The following PRR16 variants were observed in gnomAD, a reference collection of about 807,000 sequenced individuals.
PRR16 encodes proline rich 16.
PRR16 carries 6 observed loss-of-function variants against 18.2 expected under a neutral mutation model. The observed-to-expected ratio is 0.33, with a 90% confidence interval of 0.18 to 0.65. PRR16 has a LOEUF of 0.65. Ranked by LOEUF, PRR16 falls within the 30% of genes least tolerant of loss-of-function variation. The pLI is 0.74. For missense variants in PRR16, 412 were observed against 376.6 expected (o/e 1.09, Z -0.78); for synonymous variants, 151 against 147.8 (o/e 1.02, Z -0.16).
chr5:120,748,284 T>C, the PRR16 span, among the ~76,000 whole-genome samples: 1 of 152,150 alleles, frequency 6.6e-6, no homozygotes, highest in East Asian at 1.9e-4. Flanking sequence ...GATTTGTTAA[T>C]ATCTATCTCT....
chr5:120,514,121 C>T (rs886592810), intron 1 of PRR16, among the ~76,000 whole-genome samples: 2 of 152,012 alleles, frequency 1.3e-5, no homozygotes, highest in Non-Finnish European at 2.9e-5. Context: ...ATATTAGGTG[C>T]CCAATAAGTA....
chr5:120,616,220 G>C (rs12519395), intron 1 of PRR16, among the ~76,000 whole-genome samples: 104,939 of 151,982 alleles, frequency 0.69, 36,437 homozygotes, highest in East Asian at 0.86. Context: ...TTCATACCTC[G>C]TTTGAACAAG....
At chr5:120,553,394 A>T (rs1405439771) in intron 1 of PRR16, among the ~76,000 whole-genome samples, 1 of 151,882 alleles carries the variant, frequency 6.6e-6, no homozygotes, top group Non-Finnish European at 1.5e-5. Flanking sequence ...CCAAATAATG[A>T]TGCATGCAGG....
At chr5:120,603,764 T>G (rs530812131) in intron 1 of PRR16, among the ~76,000 whole-genome samples, 1 of 152,254 alleles carries the variant, frequency 6.6e-6, no homozygotes, top group East Asian at 1.9e-4. Flanking sequence ...ATCTTTGTTT[T>G]AATTAGTTTC....
intron 1 of PRR16, among the ~76,000 whole-genome samples, chr5:120,671,681 A>T (rs1756611138): frequency 6.6e-6 from 1 of 152,162 alleles, no homozygotes; most frequent in Non-Finnish European, 1.5e-5. Flanking sequence ...TCAAAATGTC[A>T]TTTTAATGTA....
At chr5:120,785,862 C>G in the PRR16 span, among the ~76,000 whole-genome samples, 1 of 151,604 alleles carries the variant, frequency 6.6e-6, no homozygotes, top group Non-Finnish European at 1.5e-5. Flanking sequence ...AGCTACCGCG[C>G]CTGGCCTAGA....
intron 1 of PRR16, among the ~76,000 whole-genome samples, chr5:120,549,664 T>A (rs1752191049): frequency 6.6e-6 from 1 of 152,050 alleles, no homozygotes; most frequent in Admixed American, 6.6e-5. Context: ...CTAAAGTAGA[T>A]AGGGTGGGAC....
chr5:120,773,467 G>T, the PRR16 span, among the ~76,000 whole-genome samples: 4 of 152,112 alleles, frequency 2.6e-5, no homozygotes, highest in African/African-American at 9.7e-5. Flanking sequence ...GAAGAAAATT[G>T]TTGGCCACAG....
intron 1 of PRR16, among the ~76,000 whole-genome samples, chr5:120,494,077 C>A (rs1033575193): frequency 6.6e-6 from 1 of 152,100 alleles, no homozygotes; most frequent in Non-Finnish European, 1.5e-5. Flanking sequence ...GATCAAATGC[C>A]AGTTACATGT....
At chr5:120,589,155 A>C (rs1325891273) in intron 1 of PRR16, among the ~76,000 whole-genome samples, 2 of 152,178 alleles carry the variant, frequency 1.3e-5, no homozygotes, top group East Asian at 3.8e-4. Flanking sequence ...GTAAATAAAA[A>C]TTAAGCTCAT....
In PRR16 at chr5:120,613,297, T is replaced by C. The variant is rs868063571; in HGVS notation, c.160-72657T>C. On this transcript the variant is annotated intron_variant, in intron 1 of 1. Coordinates refer to ENST00000407149, the MANE Select transcript of PRR16 (RefSeq NM_001300783.2). Reference sequence around the variant, plus strand: ...TTGGTATTTTATAAAAAAGAAATACTAGATTTTATATCATATTTTATCATT... The same window carrying C: ...TTGGTATTTTATAAAAAAGAAATACCAGATTTTATATCATATTTTATCATT... Among the ~76,000 whole-genome samples the C allele has an allele frequency of 6.6e-5, 10 of 152,272 alleles. No individual in the cohort carries two copies. The South Asian group carries it at 2.1e-3, about 32-fold the overall frequency.
chr5:120,769,877 T>A, the PRR16 span, among the ~76,000 whole-genome samples: 1 of 151,872 alleles, frequency 6.6e-6, no homozygotes, highest in African/African-American at 2.4e-5. Context: ...ACTTGTTTTC[T>A]TTTGATTTTT....
intron 1 of PRR16, among the ~76,000 whole-genome samples, chr5:120,663,091 A>G (rs1580849027): frequency 6.6e-6 from 1 of 151,910 alleles, no homozygotes; most frequent in Admixed American, 6.6e-5. Context: ...TGCCCTATAC[A>G]CTGTCCATCT....
At chr5:120,522,776 A>AT in intron 1 of PRR16, among the ~76,000 whole-genome samples, 1 of 142,166 alleles carries the variant, frequency 7.0e-6, no homozygotes, top group Non-Finnish European at 1.5e-5. Context: ...TGGCTATTTT[A>AT]TTTTATTTTT....
chr5:120,740,931 T>C, the PRR16 span, among the ~76,000 whole-genome samples: 1 of 152,108 alleles, frequency 6.6e-6, no homozygotes, highest in Non-Finnish European at 1.5e-5. Flanking sequence ...AGCAAAATCA[T>C]AGATCTTTTT....
chr5:120,649,497 T>G (rs1755704846), intron 1 of PRR16, among the ~76,000 whole-genome samples: 1 of 152,164 alleles, frequency 6.6e-6, no homozygotes, highest in East Asian at 1.9e-4. Flanking sequence ...TTATCTGGCT[T>G]CTTATTTTTA....
At chr5:120,680,357 G>A (rs1002474903) in intron 1 of PRR16, among the ~76,000 whole-genome samples, 1 of 151,978 alleles carries the variant, frequency 6.6e-6, no homozygotes, top group African/African-American at 2.4e-5. Flanking sequence ...TTCAACATTA[G>A]GTTTTTGAGA....
At chr5:120,744,063 A>G in the PRR16 span, among the ~76,000 whole-genome samples, 6 of 152,092 alleles carry the variant, frequency 3.9e-5, no homozygotes, top group South Asian at 4.1e-4. Context: ...GACTCACTGT[A>G]CAATGTACAT....
the PRR16 span, among the ~76,000 whole-genome samples, chr5:120,747,108 C>A: frequency 6.6e-6 from 1 of 152,132 alleles, no homozygotes; most frequent in Admixed American, 6.6e-5. Flanking sequence ...TTACCTGAAA[C>A]TTACTGTGAA....
Sources: allele counts gnomAD v4.1 joint callset (sites outside exome capture counted in the v4.1 genomes callset), GRCh38; gene constraint gnomAD v4.1.1; transcripts MANE v1.5; gene names NCBI Gene and HGNC (gene_info 2026-07-23, HGNC 2026-07-21).